MAP1LC3C: variants seen among roughly 807,000 people sequenced by gnomAD.
MAP1LC3C encodes the protein microtubule associated protein 1 light chain 3 gamma.
Under a neutral mutation model 10.4 loss-of-function variants are expected in MAP1LC3C, and 12 were observed. That is an observed-to-expected ratio of 1.15 (90% CI 0.74 to 1.86). MAP1LC3C has a LOEUF of 1.86. MAP1LC3C is among the 40% of genes most tolerant of loss of function. MAP1LC3C has a pLI of 0.00. For synonymous variants in MAP1LC3C, 70 were observed against 69.0 expected (o/e 1.01, Z -0.07); for missense variants, 177 against 185.7 (o/e 0.95, Z 0.27).
At chr1:241,999,249 C>T (rs549248451), upstream of MAP1LC3C, among the ~76,000 whole-genome samples, 7 of 152,270 alleles carry the variant, frequency 4.6e-5, no homozygotes, top group African/African-American at 1.7e-4. Context: ...TCAGAGAAAG[C>T]CACTTTGTTC....
At chr1:241,999,185 C>T (rs1048635064), upstream of MAP1LC3C, 44 of 1,298,226 alleles carry the variant, frequency 3.4e-5, no homozygotes, top group Non-Finnish European at 4.3e-5. Flanking sequence ...CTCCCCCTCC[C>T]TGGGCAGCAG....
chr1:241,997,327 G>A (rs1439986561), intron 3 of MAP1LC3C, among the ~76,000 whole-genome samples: 1 of 152,092 alleles, frequency 6.6e-6, no homozygotes, highest in Non-Finnish European at 1.5e-5. Context: ...AAAGAGGCCT[G>A]GGCAACATCG....
intron 3 of MAP1LC3C, 80 bp downstream of exon 3, chr1:241,998,433 TA>T: frequency 2.4e-6 from 3 of 1,264,414 alleles, no homozygotes; most frequent in Non-Finnish European, 2.3e-6. Context: ...ATCCCCAAAA[TA>T]AAACTGCCAA....
chr1:241,999,918 A>G (rs568382559), upstream of MAP1LC3C, among the ~76,000 whole-genome samples: 5 of 152,218 alleles, frequency 3.3e-5, no homozygotes, highest in Non-Finnish European at 7.3e-5. Flanking sequence ...AAAAGAAGGA[A>G]GGAAGGACAA....
chr1:241,997,934 T>C (rs1262815935), intron 3 of MAP1LC3C, among the ~76,000 whole-genome samples: 1 of 152,106 alleles, frequency 6.6e-6, no homozygotes, highest in African/African-American at 2.4e-5. Context: ...CTAACTACTT[T>C]AGGAAATTCT....
chr1:241,997,443 C>T (rs28408310), intron 3 of MAP1LC3C, among the ~76,000 whole-genome samples: 137,892 of 152,122 alleles, frequency 0.91, 62,834 homozygotes, highest in Non-Finnish European at 0.97. Flanking sequence ...TCGCCTGAGC[C>T]CAGAAGGCCA....
upstream of MAP1LC3C, among the ~76,000 whole-genome samples, chr1:242,000,114 G>T (rs2148601783): frequency 6.6e-6 from 1 of 152,300 alleles, no homozygotes; most frequent in South Asian, 2.1e-4. Flanking sequence ...GTGGACACCA[G>T]CTAGGTGTCC....
chr1:241,998,514 C>T lies in MAP1LC3C; in HGVS notation c.221G>A (p.Arg74Gln), dbSNP rs765424009. The T allele has an allele frequency of 4.3e-6, 7 of 1,613,882 alleles. No individual in the cohort carries two copies. Among genetic ancestry groups the T allele is most frequent in the East Asian group, 4.5e-5 (2 of 44,866 alleles). The change falls in exon 3 of 4, where the codon CGG (arginine) becomes CAG (glutamine). Residue 74 changes from arginine (R) to glutamine (Q), a missense_variant and splice_region_variant. Coordinates refer to ENST00000357246, the MANE Select transcript of MAP1LC3C (RefSeq NM_001004343.3). ...LTMTQFLSII[R>Q]SRMVLRATEA... The stretch of plus-strand genomic sequence containing the variant: ...CCGGGGCACGCTCTGCGCCACCTAC[C>T]GGATGATGCTGAGGAACTGGGTCAT...
chr1:241,997,904 G>A (rs1665116958), intron 3 of MAP1LC3C, among the ~76,000 whole-genome samples: 1 of 152,046 alleles, frequency 6.6e-6, no homozygotes, highest in Admixed American at 6.6e-5. Context: ...GGATCTCCCG[G>A]CCTAGCTTGA....
chr1:241,998,634 C>A lies in MAP1LC3C; in HGVS notation c.115-14G>T. The A allele has an allele frequency of 6.2e-7, 1 of 1,608,352 alleles. No homozygotes were observed. Among genetic ancestry groups the A allele is most frequent in the Non-Finnish European group, 8.5e-7 (1 of 1,177,162 alleles). ...CTCCACTACCACCTGTCAAGAGTGT[C>A]AGTCCTTAAGAATGTGACTCAGCGT... On this transcript the variant is annotated splice_polypyrimidine_tract_variant and intron_variant, in intron 2 of 3. Coordinates refer to ENST00000357246, the MANE Select transcript of MAP1LC3C (RefSeq NM_001004343.3).
intron 1 of MAP1LC3C, 31 bp from the exon 2 acceptor site, chr1:241,998,862 C>T: frequency 6.2e-7 from 1 of 1,613,846 alleles, no homozygotes; most frequent in Non-Finnish European, 8.5e-7. Context: ...AGAGAAGAAG[C>T]AAAGATCAAG....
upstream of MAP1LC3C, among the ~76,000 whole-genome samples, chr1:242,001,084 T>A (rs1235673863): frequency 6.6e-6 from 1 of 152,098 alleles, no homozygotes; most frequent in Admixed American, 6.5e-5. Context: ...GAGACCAGCT[T>A]GGCCAACATC....
upstream of MAP1LC3C, among the ~76,000 whole-genome samples, chr1:242,000,669 C>G (rs1574238611): frequency 6.6e-6 from 1 of 152,140 alleles, no homozygotes; most frequent in South Asian, 2.1e-4. Context: ...GAGGATATCA[C>G]AAAGGGTACA....
chr1:241,996,262 C>T lies in MAP1LC3C; in HGVS notation c.345G>A (p.Val115=). The change falls in exon 4 of 4, where the codon GTG becomes GTA. Residue 115 remains valine, a synonymous_variant. Transcript: ENST00000357246. The part of the protein sequence containing the change: ...YRDYKDEDGF[V]YMTYASQETF... ...TCTCCTGGGAGGCGTAGGTCATGTA[C>T]ACGAAGCCATCCTCATCCTTGTAGT... 6.2e-7 allele frequency: 1 copy of T among 1,614,194 alleles called. No homozygotes were observed.
At chr1:241,996,406 G>GT in intron 3 of MAP1LC3C, 21 bp from the exon 4 acceptor site, 1 of 1,605,872 alleles carries the variant, frequency 6.2e-7, no homozygotes, top group Non-Finnish European at 8.5e-7. Flanking sequence ...CAGGAGGGTG[G>GT]TGAGGGTATG....
At chr1:241,999,126 ATGT>A, upstream of MAP1LC3C, 1 of 1,465,924 alleles carries the variant, frequency 6.8e-7, no homozygotes, top group Non-Finnish European at 8.9e-7. Flanking sequence ...GGAGGCCCTT[ATGT>A]AGGGCTGAGT....
rs56222938 is a variant in MAP1LC3C at position 241,996,196 on chromosome 1, G to A, written c.411C>T (p.Ser137=). The change falls in exon 4 of 4, where the codon AGC becomes AGT. Residue 137 remains serine (S), a synonymous_variant. Transcript: ENST00000357246. ...GATTGCAGGGTCTGTCCTCAAGGCT[G>A]CTCCCATCCCTGGGGGCTGCTGACT... ...CLESAAPRDG[S]SLEDRPCNPL is the part of the protein sequence containing the mutation. 2,179 of 1,614,044 alleles carry A rather than the reference G, an allele frequency of 1.4e-3. 3 individuals carry two copies. Among genetic ancestry groups the A allele is most frequent in the Non-Finnish European group, 1.6e-3 (1,934 of 1,180,014 alleles).
chr1:241,998,018 A>ATTTTTT (rs1558179174), intron 3 of MAP1LC3C, among the ~76,000 whole-genome samples: 2 of 89,390 alleles, frequency 2.2e-5, no homozygotes. Flanking sequence ...AAATAGAGTA[A>ATTTTTT]TTCTTTTTTT....
chr1:241,998,021 C>CTTATTTTTTTTTTTT (rs1665121578), intron 3 of MAP1LC3C, among the ~76,000 whole-genome samples: 1 of 95,414 alleles, frequency 1.0e-5, no homozygotes, highest in Non-Finnish European at 2.0e-5. Context: ...TAGAGTAATT[C>CTTATTTTTTTTTTTT]TTTTTTTTTT....
Sources: allele counts gnomAD v4.1 joint callset (sites outside exome capture counted in the v4.1 genomes callset), GRCh38; gene constraint gnomAD v4.1.1; transcripts MANE v1.5; gene names NCBI Gene and HGNC (gene_info 2026-07-23, HGNC 2026-07-21).